RIMS1: variants seen among roughly 807,000 people sequenced by gnomAD.
RIMS1 encodes the protein regulating synaptic membrane exocytosis protein 1.
A neutral mutation model predicts 214.1 loss-of-function variants in RIMS1; 83 were observed. The observed-to-expected ratio is 0.39, with a 90% CI of 0.32 to 0.47. The LOEUF is 0.47. RIMS1 is among the 20% of genes least tolerant of loss of function. RIMS1 has a pLI of 0.99. For missense variants in RIMS1, 2,050 were observed against 2,161.8 expected (o/e 0.95, Z 1.03); for synonymous variants, 793 against 786.8 (o/e 1.01, Z -0.13).
At chr6:72,383,091 A>G (rs1425511283) in intron 29 of RIMS1, among the ~76,000 whole-genome samples, 4 of 152,226 alleles carry the variant, frequency 2.6e-5, no homozygotes, top group African/African-American at 4.8e-5. Flanking sequence ...TCCAGTTTAC[A>G]TGCTCATTAA....
intron 2 of RIMS1, among the ~76,000 whole-genome samples, chr6:71,972,509 A>G (rs1796108700): frequency 6.6e-6 from 1 of 152,206 alleles, no homozygotes; most frequent in Admixed American, 6.5e-5. Context: ...ACACATGTCA[A>G]TATACTTTAT....
intron 2 of RIMS1, among the ~76,000 whole-genome samples, chr6:72,022,505 G>GA (rs1815038399): frequency 6.6e-6 from 1 of 152,116 alleles, no homozygotes; most frequent in Admixed American, 6.6e-5. Context: ...TAGTATAGAA[G>GA]AAAAATATTC....
In RIMS1 at chr6:72,179,807, C is replaced by T. The variant is rs749706549; in HGVS notation, c.704C>T (p.Pro235Leu). 1.2e-6 allele frequency: 2 copies of T among 1,613,770 alleles called. No homozygotes were observed. Among genetic ancestry groups the T allele is most frequent in the Admixed American group, 3.3e-5 (2 of 60,024 alleles). Residue 235 changes from proline to leucine, a missense_variant, in exon 5 of 34, where the codon CCC (proline) becomes CTC (leucine). Coordinates refer to ENST00000521978, the MANE Select transcript of RIMS1 (RefSeq NM_014989.7). ...GCCTCCTCCCAGGATGCTGCTCCTCCCAGCGCACCACCAGACAGGAGCAAA... is the reference window on the plus strand; with the variant it reads ...GCCTCCTCCCAGGATGCTGCTCCTCTCAGCGCACCACCAGACAGGAGCAAA... ...AAASSQDAAP[P>L]SAPPDRSKGA... is the part of the protein sequence containing the mutation.
chr6:72,222,770 A>G (rs2154051290), intron 6 of RIMS1, among the ~76,000 whole-genome samples: 1 of 152,312 alleles, frequency 6.6e-6, no homozygotes, highest in African/African-American at 2.4e-5. Context: ...TTGTTTTTAT[A>G]AAAATTTACA....
At chr6:72,267,398 A>T (rs1009028585) in intron 22 of RIMS1, among the ~76,000 whole-genome samples, 25 of 152,200 alleles carry the variant, frequency 1.6e-4, no homozygotes, top group African/African-American at 5.5e-4. Flanking sequence ...TATTACCCAT[A>T]TCAGTGCCAT....
intron 2 of RIMS1, among the ~76,000 whole-genome samples, chr6:72,019,209 G>A (rs1290913546): frequency 6.6e-6 from 1 of 152,174 alleles, no homozygotes; most frequent in Non-Finnish European, 1.5e-5. Flanking sequence ...CAGATTTGTA[G>A]GTGTTTGTAC....
At chr6:71,981,239 G>T (rs144855264) in intron 2 of RIMS1, among the ~76,000 whole-genome samples, 48 of 152,160 alleles carry the variant, frequency 3.2e-4, no homozygotes, top group African/African-American at 1.1e-3. Flanking sequence ...TAACCCTCAT[G>T]AAACTTTATA....
chr6:72,328,420 C>T (rs532684435), intron 28 of RIMS1, among the ~76,000 whole-genome samples: 1 of 151,830 alleles, frequency 6.6e-6, no homozygotes, highest in African/African-American at 2.4e-5. Context: ...ATGTTCTGCA[C>T]ATGTATCTCA....
intron 1 of RIMS1, among the ~76,000 whole-genome samples, chr6:71,918,144 T>C (rs1778975373): frequency 6.6e-6 from 1 of 152,066 alleles, no homozygotes; most frequent in African/African-American, 2.4e-5. Context: ...GAACTTGAAT[T>C]AGATCACCAA....
At chr6:72,249,265 C>T (rs2154131765) in intron 12 of RIMS1, among the ~76,000 whole-genome samples, 1 of 152,314 alleles carries the variant, frequency 6.6e-6, no homozygotes, top group Admixed American at 6.5e-5. Flanking sequence ...AGTGTCATCA[C>T]CACTGCCAGG....
At chr6:72,136,297 G>C (rs778356354) in intron 4 of RIMS1, among the ~76,000 whole-genome samples, 1 of 151,370 alleles carries the variant, frequency 6.6e-6, no homozygotes, top group Admixed American at 6.6e-5. Context: ...ACAAAATAGA[G>C]GAAAATATTC....
intron 6 of RIMS1, among the ~76,000 whole-genome samples, chr6:72,214,226 C>G (rs2054713492): frequency 6.6e-6 from 1 of 151,984 alleles, no homozygotes; most frequent in Non-Finnish European, 1.5e-5. Context: ...ATTAATAAAC[C>G]CTGTTTAGTT....
intron 6 of RIMS1, among the ~76,000 whole-genome samples, chr6:72,220,962 A>T (rs867483227): frequency 2.6e-5 from 4 of 152,118 alleles, no homozygotes; most frequent in Non-Finnish European, 4.4e-5. Context: ...CATAAAAGTG[A>T]TGGAAAAATT....
intron 29 of RIMS1, among the ~76,000 whole-genome samples, chr6:72,377,311 C>G (rs1290110121): frequency 6.6e-6 from 1 of 152,170 alleles, no homozygotes; most frequent in Non-Finnish European, 1.5e-5. Context: ...TGATACTATC[C>G]ATCCTCAGGA....
chr6:72,126,115 C>A (rs1478583895), intron 4 of RIMS1, among the ~76,000 whole-genome samples: 1 of 152,124 alleles, frequency 6.6e-6, no homozygotes, highest in Non-Finnish European at 1.5e-5. Context: ...ATTCGGCCAT[C>A]TTGGAACTCC....
chr6:72,263,047 T>G, intron 19 of RIMS1: 2 of 908,960 alleles, frequency 2.2e-6, no homozygotes, highest in Middle Eastern at 1.1e-3. Flanking sequence ...CAAAATCAGA[T>G]CTATTTGATA....
At chr6:72,204,181 CTT>C (rs2052516454) in intron 6 of RIMS1, among the ~76,000 whole-genome samples, 1 of 152,134 alleles carries the variant, frequency 6.6e-6, no homozygotes, top group Admixed American at 6.6e-5. Context: ...AGAAGAGTGA[CTT>C]TGCATATATT....
chr6:72,250,359 C>T lies in RIMS1; in HGVS notation c.2271C>T (p.His757=), dbSNP rs2072639314. ...SVKLWYDKVG[H]QLIVNVLQAT... is the part of the protein sequence containing the mutation. The stretch of plus-strand genomic sequence containing the variant: ...AGTTGTGGTATGATAAAGTGGGACA[C>T]CAGCTGATTGTAAATGTTCTGCAAG... The change falls in exon 13 of 34, where the codon CAC becomes CAT. Residue 757 remains histidine, a synonymous_variant. Coordinates refer to ENST00000521978, the MANE Select transcript of RIMS1 (RefSeq NM_014989.7). The T allele has an allele frequency of 8.7e-6, 14 of 1,609,744 alleles. No homozygotes were observed. The highest frequency in any genetic ancestry group is 1.2e-5 in the Non-Finnish European group (14 of 1,177,874).
In RIMS1 at chr6:72,265,392, C is replaced by T. The variant is rs1255600489; in HGVS notation, c.3197C>T (p.Ser1066Leu). The T allele has an allele frequency of 6.5e-7, 1 of 1,540,506 alleles. No individual in the cohort carries two copies. The highest frequency in any genetic ancestry group is 8.9e-7 in the Non-Finnish European group (1 of 1,123,584). ...QSSSHWNIYS[S>L]ILPAHTKTKS... is the part of the protein sequence containing the mutation. ...TTGTGTAATTTTAATTTGTGGAGCT[C>T]AATTCTGCCTGCACATACTAAGACC... The change falls in exon 21 of 34, where the codon TCA becomes TTA. Residue 1066 changes from serine to leucine, a missense_variant and splice_region_variant. Physicochemically the swap from Ser to Leu is moderately radical, Grantham distance 145. Transcript: ENST00000521978.
Sources: allele counts gnomAD v4.1 joint callset (sites outside exome capture counted in the v4.1 genomes callset), GRCh38; gene constraint gnomAD v4.1.1; transcripts MANE v1.5; gene names NCBI Gene and HGNC (gene_info 2026-07-23, HGNC 2026-07-21).